Variants in RGS12 observed in about 807,000 individuals in gnomAD.
RGS12 encodes regulator of G protein signaling 12, also known as regulator of G-protein signaling 12.
In RGS12, 66 loss-of-function variants were observed where a neutral mutation model predicts 120.1. That is an observed-to-expected ratio of 0.55 (90% CI 0.45 to 0.67). The LOEUF is 0.67. Among genes scored for constraint, RGS12 ranks in the 30% least tolerant of loss-of-function variants. RGS12 has a pLI of 0.00. For missense variants in RGS12, 1,859 were observed against 1,957.7 expected (o/e 0.95, Z 0.95); for synonymous variants, 827 against 804.7 (o/e 1.03, Z -0.47).
chr4:3,432,116 C>G, intron 17 of RGS12: 1 of 985,466 alleles, frequency 1.0e-6, no homozygotes. Flanking sequence ...ACCTGTGTGG[C>G]TCTCACCTGC....
chr4:3,427,655 G>A (rs1723793169), intron 14 of RGS12, among the ~76,000 whole-genome samples: 1 of 152,182 alleles, frequency 6.6e-6, no homozygotes, highest in South Asian at 2.1e-4. Context: ...AGAATTGCTT[G>A]AACCCAGGAT....
In RGS12 at chr4:3,366,226, G is replaced by A. The variant is rs984858966; in HGVS notation, c.1999-20190G>A. 6.6e-6 allele frequency among the ~76,000 whole-genome samples: 1 copy of A among 152,110 alleles called. No homozygotes were observed. The highest frequency in any genetic ancestry group is 1.9e-4 in the East Asian group (1 of 5,184). ...GGCTGGGGCGGGTGCTGGGCAGACTGCAAAGGGTCAGACTGGCATATGGCG... is the reference window on the plus strand; with the variant it reads ...GGCTGGGGCGGGTGCTGGGCAGACTACAAAGGGTCAGACTGGCATATGGCG... On this transcript the variant is annotated intron_variant, in intron 3 of 17. Coordinates refer to ENST00000336727, the MANE Select transcript of RGS12 (RefSeq NM_001394154.1). This position sits in a 1 kb window ranked among gnomAD's most constrained non-coding sequence, Gnocchi z 4.0.
At chr4:3,364,274 C>T (rs1363260736) in intron 3 of RGS12, among the ~76,000 whole-genome samples, 1 of 152,136 alleles carries the variant, frequency 6.6e-6, no homozygotes, top group African/African-American at 2.4e-5. Context: ...GGGCTCGTTA[C>T]GTCCATCTGC....
At position 3,430,801 on chromosome 4, in the gene RGS12, G is replaced by C; in HGVS notation, c.3960G>C (p.Gln1320His). Residue 1320 changes from glutamine to histidine, a missense_variant, in exon 17 of 18, where the codon CAG (glutamine) becomes CAC (histidine). By Grantham distance (24) the Gln-to-His change is conservative (BLOSUM62 0). Around this residue, in one of 3 missense-constraint regions of RGS12, gnomAD observed 517 missense variants for 488.5 expected, o/e 1.06. Coordinates refer to ENST00000336727, the MANE Select transcript of RGS12 (RefSeq NM_001394154.1). ...GCACCGCCCAGATCTGGAAGAGGCA[G>C]TCTCAGGAAGTGGAGGCCGGGGGCA... ...QEGTAQIWKR[Q>H]SQEVEAGGIQ... 6.2e-7 allele frequency: 1 copy of C among 1,611,982 alleles called. No homozygotes were observed. Among genetic ancestry groups the C allele is most frequent in the African/African-American group, 1.3e-5 (1 of 75,030 alleles).
chr4:3,383,244 C>T (rs1000734653), intron 3 of RGS12, among the ~76,000 whole-genome samples: 2 of 152,086 alleles, frequency 1.3e-5, no homozygotes, highest in African/African-American at 4.8e-5. Flanking sequence ...TAACTGCTTC[C>T]CCCTCTGTTC....
intron 1 of RGS12, among the ~76,000 whole-genome samples, chr4:3,294,640 T>A (rs1723262877): frequency 1.3e-5 from 2 of 151,988 alleles, no homozygotes; most frequent in Non-Finnish European, 2.9e-5. Flanking sequence ...GCAAGGGCAG[T>A]GGGGTGGCTG....
chr4:3,315,341 A>G (rs907302131), intron 1 of RGS12, among the ~76,000 whole-genome samples: 4 of 152,216 alleles, frequency 2.6e-5, no homozygotes, highest in African/African-American at 9.7e-5. Flanking sequence ...TTTGTTCTCA[A>G]TGACAACCAA....
At chr4:3,352,660 A>T (rs1204609626) in intron 3 of RGS12, among the ~76,000 whole-genome samples, 1 of 152,220 alleles carries the variant, frequency 6.6e-6, no homozygotes, top group African/African-American at 2.4e-5. Flanking sequence ...ATCAATAACA[A>T]GGGTGGCATG....
rs138916629 is a variant in RGS12 at position 3,315,332 on chromosome 4, T to G, written c.-101-738T>G. Among the ~76,000 whole-genome samples the G allele has an allele frequency of 9.5e-4, 144 of 152,368 alleles. 1 individual carries two copies. The highest frequency in any genetic ancestry group is 6.8e-3 in the Middle Eastern group (2 of 294). On this transcript the variant is annotated intron_variant, in intron 1 of 17. Coordinates refer to ENST00000336727, the MANE Select transcript of RGS12 (RefSeq NM_001394154.1). ...GGTGATCCGCGGACCACTGACAAGTTTGTTCTCAATGACAACCAATACTTT... is the reference window on the plus strand; with the variant it reads ...GGTGATCCGCGGACCACTGACAAGTGTGTTCTCAATGACAACCAATACTTT...
intron 4 of RGS12, among the ~76,000 whole-genome samples, chr4:3,395,348 A>G (rs1719945857): frequency 6.6e-6 from 1 of 152,192 alleles, no homozygotes; most frequent in South Asian, 2.1e-4. Context: ...CATGGTGCAA[A>G]TATGGCATCG....
chr4:3,439,084 G>A (rs1725073493), intron 17 of RGS12, among the ~76,000 whole-genome samples: 1 of 152,028 alleles, frequency 6.6e-6, no homozygotes, highest in Admixed American at 6.5e-5. Context: ...TGGGCCCTGG[G>A]CCTGGGGGGG....
At chr4:3,412,296 C>T (rs1205957527) in intron 4 of RGS12, among the ~76,000 whole-genome samples, 1 of 152,176 alleles carries the variant, frequency 6.6e-6, no homozygotes, top group East Asian at 1.9e-4. Context: ...TCTGGATTAG[C>T]GGGGCCCACG....
chr4:3,429,807 T>C (rs1336809615), intron 16 of RGS12, among the ~76,000 whole-genome samples: 1 of 152,174 alleles, frequency 6.6e-6, no homozygotes, highest in Non-Finnish European at 1.5e-5. Context: ...GGAGAGCACG[T>C]GTTGCCCCCC....
intron 2 of RGS12, 56 bp downstream of exon 2, chr4:3,318,107 ACG>A: frequency 5.9e-5 from 80 of 1,346,914 alleles, no homozygotes; most frequent in Non-Finnish European, 7.6e-5. Flanking sequence ...CTTAGCAGTC[ACG>A]GGGAGGTGAC....
In RGS12 at chr4:3,416,278, G is replaced by T. The variant is rs1002374931; in HGVS notation, c.2427+157G>T. ...AGACAGAAAGTGGGGCTTTCAGTAGGGTAGAGAAACGCAGACAGAAAGTGG... is the reference window on the plus strand; with the variant it reads ...AGACAGAAAGTGGGGCTTTCAGTAGTGTAGAGAAACGCAGACAGAAAGTGG... On this transcript the variant is annotated intron_variant, in intron 7 of 17. Coordinates refer to ENST00000336727, the MANE Select transcript of RGS12 (RefSeq NM_001394154.1). 3.0e-4 allele frequency among the ~76,000 whole-genome samples: 46 copies of T among 151,972 alleles called. 1 individual carries two copies. Among genetic ancestry groups the T allele is most frequent in the African/African-American group, 1.1e-3 (44 of 41,270 alleles).
chr4:3,359,588 A>ATAGGTC (rs1715362441), intron 3 of RGS12, among the ~76,000 whole-genome samples: 1 of 145,608 alleles, frequency 6.9e-6, no homozygotes. Flanking sequence ...CTTACTAGTT[A>ATAGGTC]TAGGTCTATT....
intron 13 of RGS12, among the ~76,000 whole-genome samples, chr4:3,424,491 G>A (rs1353250474): frequency 6.6e-6 from 1 of 152,244 alleles, no homozygotes; most frequent in Non-Finnish European, 1.5e-5. Flanking sequence ...TGGCTCCCAG[G>A]TGTGCCCCTC....
At chr4:3,382,574 G>A (rs1360663170) in intron 3 of RGS12, among the ~76,000 whole-genome samples, 2 of 152,124 alleles carry the variant, frequency 1.3e-5, no homozygotes, top group African/African-American at 4.8e-5. Flanking sequence ...TGTAGGTGAC[G>A]GTCTTCAGGA....
chr4:3,331,154 A>G (rs1189705674), intron 2 of RGS12, among the ~76,000 whole-genome samples: 6 of 152,232 alleles, frequency 3.9e-5, no homozygotes, highest in Non-Finnish European at 2.9e-5. Context: ...TGCAAGTCAC[A>G]AAAACACATA....
Sources: gnomAD v4.1 joint callset for allele counts (sites outside exome capture counted in the v4.1 genomes callset) on GRCh38, gnomAD v4.1.1 for gene constraint, gnomAD v4.1.1 regional missense constraint, Gnocchi (gnomAD v3.1) non-coding constraint, MANE v1.5 for transcripts, NCBI Gene and HGNC (gene_info 2026-07-23, HGNC 2026-07-21) for gene names.